The following SMYD3 variants were observed in gnomAD, a reference collection of about 807,000 sequenced individuals.
The protein encoded by SMYD3 is histone-lysine N-methyltransferase SMYD3.
In SMYD3, 36 loss-of-function variants were observed where a neutral mutation model predicts 57.7. That is an observed-to-expected ratio of 0.62 (90% CI 0.48 to 0.82). The LOEUF is 0.82. Among genes scored for constraint, SMYD3 ranks in the 40% least tolerant of loss-of-function variants. SMYD3 has a pLI of 0.00. For missense variants in SMYD3, 515 were observed against 538.8 expected, an observed-to-expected ratio of 0.96 and a Z score of 0.44; for synonymous variants, 211 against 195.0, an observed-to-expected ratio of 1.08 and a Z score of -0.68.
chr1:246,149,828 C>T (rs566815511), intron 5 of SMYD3, among the ~76,000 whole-genome samples: 1 of 152,310 alleles, frequency 6.6e-6, no homozygotes, highest in East Asian at 1.9e-4. Context: ...GAAAGCACCA[C>T]CTATAAGACA....
chr1:245,821,503 A>G (rs2049158159), intron 10 of SMYD3, among the ~76,000 whole-genome samples: 3 of 145,764 alleles, frequency 2.1e-5, no homozygotes, highest in East Asian at 4.2e-4. Flanking sequence ...CTTCATGTCT[A>G]AAACACCAAA....
intron 5 of SMYD3, among the ~76,000 whole-genome samples, chr1:246,118,596 T>C (rs2061376038): frequency 1.3e-5 from 2 of 152,224 alleles, no homozygotes; most frequent in African/African-American, 4.8e-5. Context: ...GCTGGTTTCA[T>C]ACCCTTTCCA....
At chr1:246,022,007 G>A (rs1271926150) in intron 5 of SMYD3, among the ~76,000 whole-genome samples, 2 of 152,148 alleles carry the variant, frequency 1.3e-5, no homozygotes, top group Non-Finnish European at 2.9e-5. Flanking sequence ...GACACTGATC[G>A]CTGGAAACAT....
chr1:245,880,501 TAAC>T (rs1459437954), intron 8 of SMYD3, among the ~76,000 whole-genome samples: 1 of 152,196 alleles, frequency 6.6e-6, no homozygotes, highest in Non-Finnish European at 1.5e-5. Context: ...GCAGGCCAAA[TAAC>T]AACAACAACA....
chr1:245,754,578 A>G (rs2045530367), intron 11 of SMYD3, among the ~76,000 whole-genome samples: 1 of 152,156 alleles, frequency 6.6e-6, no homozygotes, highest in Admixed American at 6.5e-5. Context: ...GAGGCACAAA[A>G]AGCCCTTTGC....
At chr1:245,953,304 C>A in intron 5 of SMYD3, 1 of 997,412 alleles carries the variant, frequency 1.0e-6, no homozygotes, top group Non-Finnish European at 1.2e-6. Flanking sequence ...ATATCAACTC[C>A]AACTAGACCA....
intron 5 of SMYD3, among the ~76,000 whole-genome samples, chr1:246,265,961 T>G (rs1459589497): frequency 6.6e-6 from 1 of 152,230 alleles, no homozygotes; most frequent in East Asian, 1.9e-4. Flanking sequence ...ATGAATGTTT[T>G]TAACACTGAA....
intron 5 of SMYD3, among the ~76,000 whole-genome samples, chr1:246,268,713 G>T (rs2064158737): frequency 6.6e-6 from 1 of 151,754 alleles, no homozygotes; most frequent in African/African-American, 2.4e-5. Context: ...AAAAAAGAAA[G>T]AAAAGAGAAG....
chr1:246,176,748 C>G (rs1441237495), intron 5 of SMYD3, among the ~76,000 whole-genome samples: 4 of 152,114 alleles, frequency 2.6e-5, no homozygotes, highest in Non-Finnish European at 1.5e-5. Context: ...GTCTGAAACT[C>G]CTGAGCTCAA....
chr1:246,297,732 G>A (rs977674677), intron 5 of SMYD3, among the ~76,000 whole-genome samples: 4 of 152,168 alleles, frequency 2.6e-5, no homozygotes, highest in East Asian at 1.9e-4. Context: ...TCACTGTATT[G>A]ACCAGAGAAT....
In SMYD3 at chr1:246,208,607, A is replaced by C. The variant is rs1237513132; in HGVS notation, c.531+118594T>G. 2.0e-5 allele frequency among the ~76,000 whole-genome samples: 3 copies of C among 152,160 alleles called. 1 individual carries two copies. Among genetic ancestry groups the C allele is most frequent in the African/African-American group, 7.2e-5 (3 of 41,400 alleles). On this transcript the variant is annotated intron_variant, in intron 5 of 11. Transcript: ENST00000490107. ...TCCTATTAGGGCTAACGGAAGCTAC[A>C]TGTTTGTACCAAGGGAAAAACATAC... is the stretch of plus-strand genomic sequence containing the variant.
intron 5 of SMYD3, among the ~76,000 whole-genome samples, chr1:246,100,040 C>G (rs984260373): frequency 6.6e-5 from 10 of 152,150 alleles, no homozygotes; most frequent in African/African-American, 2.4e-4. Context: ...AATTGTTTTA[C>G]TGGCACTAAT....
intron 1 of SMYD3, among the ~76,000 whole-genome samples, chr1:246,472,950 C>T (rs1046241726): frequency 2.0e-5 from 3 of 150,876 alleles, no homozygotes; most frequent in Admixed American, 6.6e-5. Context: ...CTGTGCCTCC[C>T]GGGTTCAAGT....
intron 1 of SMYD3, among the ~76,000 whole-genome samples, chr1:246,403,727 T>C (rs139697110): frequency 7.7e-4 from 117 of 152,268 alleles, no homozygotes; most frequent in African/African-American, 2.8e-3. Context: ...TGGTGAAAAT[T>C]AATAACTAAT....
intron 10 of SMYD3, among the ~76,000 whole-genome samples, chr1:245,819,265 G>T (rs2049021820): frequency 7.2e-6 from 1 of 139,394 alleles, no homozygotes; most frequent in Admixed American, 7.3e-5. Context: ...CAACTACATG[G>T]AAACTGAACA....
At chr1:246,212,956 G>C (rs150131188) in intron 5 of SMYD3, among the ~76,000 whole-genome samples, 40 of 152,216 alleles carry the variant, frequency 2.6e-4, no homozygotes, top group African/African-American at 9.4e-4. Context: ...GGGGCCTTCA[G>C]GTACAGCATT....
intron 5 of SMYD3, among the ~76,000 whole-genome samples, chr1:246,066,612 C>T (rs908661221): frequency 6.6e-5 from 10 of 152,238 alleles, no homozygotes; most frequent in African/African-American, 1.2e-4. Flanking sequence ...GAGCTAAACT[C>T]GAAATGTAGA....
chr1:246,026,392 A>G (rs903511111), intron 5 of SMYD3, among the ~76,000 whole-genome samples: 8 of 152,142 alleles, frequency 5.3e-5, no homozygotes, highest in Non-Finnish European at 8.8e-5. Flanking sequence ...AGTACACCTC[A>G]TTGCGTGTAC....
intron 1 of SMYD3, among the ~76,000 whole-genome samples, chr1:246,435,405 C>A (rs981713951): frequency 6.6e-6 from 1 of 151,696 alleles, no homozygotes; most frequent in Non-Finnish European, 1.5e-5. Context: ...AGAGGTTTCA[C>A]GGATTTCATA....
Sources: allele counts gnomAD v4.1 joint callset (sites outside exome capture counted in the v4.1 genomes callset), GRCh38; gene constraint gnomAD v4.1.1; transcripts MANE v1.5; gene names NCBI Gene and HGNC (gene_info 2026-07-23, HGNC 2026-07-21).